Variants in CEMIP observed in about 807,000 individuals in gnomAD.
CEMIP encodes cell migration inducing hyaluronidase 1.
A neutral mutation model predicts 156.9 loss-of-function variants in CEMIP; 105 were observed. The ratio of observed to expected loss-of-function variants is 0.67; its 90% confidence interval spans 0.57 to 0.79. The LOEUF is 0.79. CEMIP is among the 30% of genes least tolerant of loss of function. CEMIP has a pLI of 0.00. For missense variants in CEMIP, 1,457 were observed against 1,769.4 expected (o/e 0.82, Z 3.17); for synonymous variants, 676 against 668.4 (o/e 1.01, Z -0.17).
Position 80,929,833 on chromosome 15 carries a change from G to A in CEMIP, c.2612+659G>A, listed in dbSNP as rs115322988. Reference sequence around the variant, plus strand: ...CTGAGGAGTCCTGGTTTCTGCGGCTGGGGGAGTTCAAATGAAGGTCAGACG... The same window carrying A: ...CTGAGGAGTCCTGGTTTCTGCGGCTAGGGGAGTTCAAATGAAGGTCAGACG... On this transcript the variant is annotated intron_variant, in intron 21 of 29. Coordinates refer to ENST00000394685, the MANE Select transcript of CEMIP (RefSeq NM_001293298.2). Among the ~76,000 whole-genome samples the A allele has an allele frequency of 1.9e-3, 293 of 152,338 alleles. 1 individual carries two copies. The highest frequency in any genetic ancestry group is 5.2e-3 in the African/African-American group (215 of 41,556).
intron 14 of CEMIP, chr15:80,909,771 T>C: frequency 2.6e-6 from 1 of 378,046 alleles, no homozygotes; most frequent in South Asian, 2.0e-5. Flanking sequence ...AGAAATACTC[T>C]CATTAACAAA....
At chr15:80,786,470 C>T (rs1895940871) in intron 1 of CEMIP, among the ~76,000 whole-genome samples, 1 of 151,966 alleles carries the variant, frequency 6.6e-6, no homozygotes, top group African/African-American at 2.4e-5. Context: ...AAGATATCTG[C>T]CCACCACTGC....
At chr15:80,796,240 T>C (rs1322238250) in intron 1 of CEMIP, among the ~76,000 whole-genome samples, 1 of 152,182 alleles carries the variant, frequency 6.6e-6, no homozygotes, top group African/African-American at 2.4e-5. Context: ...TCCCGAGCAG[T>C]TGGGACTACA....
chr15:80,786,495 G>A (rs540874374), intron 1 of CEMIP, among the ~76,000 whole-genome samples: 1 of 151,580 alleles, frequency 6.6e-6, no homozygotes, highest in East Asian at 1.9e-4. Flanking sequence ...CAAAGTGCTG[G>A]GATTACAGGC....
chr15:80,803,803 A>G (rs1025602098), intron 1 of CEMIP, among the ~76,000 whole-genome samples: 3 of 152,158 alleles, frequency 2.0e-5, no homozygotes, highest in Admixed American at 2.0e-4. Flanking sequence ...CCTCTGACTC[A>G]TTTTCTGTTG....
At chr15:80,910,628 C>G (rs999799758) in intron 14 of CEMIP, among the ~76,000 whole-genome samples, 5 of 152,190 alleles carry the variant, frequency 3.3e-5, no homozygotes, top group Admixed American at 2.0e-4. Flanking sequence ...GGCTTTGGAG[C>G]CCAGTCTAGG....
At chr15:80,848,706 C>T (rs972887564) in intron 1 of CEMIP, among the ~76,000 whole-genome samples, 3 of 152,156 alleles carry the variant, frequency 2.0e-5, no homozygotes, top group African/African-American at 7.2e-5. Flanking sequence ...AGAAGGGGTG[C>T]AGGAAGCTGC....
At position 80,873,701 on chromosome 15, in the gene CEMIP, G is replaced by A; in HGVS notation, c.-17+5G>A. On this transcript the variant is annotated splice_donor_5th_base_variant and intron_variant, in intron 2 of 29. Transcript: ENST00000394685. ...TGGCAGCTGGGGAAGCCACTGGTGAGGACGCTGCACTGGAGTGTGGGCTGG... is the reference window on the plus strand; with the variant it reads ...TGGCAGCTGGGGAAGCCACTGGTGAAGACGCTGCACTGGAGTGTGGGCTGG... The A allele has an allele frequency of 4.8e-6, 3 of 620,652 alleles. No individual in the cohort carries two copies. The South Asian group carries it at 5.4e-5, about 11-fold the overall frequency. The allele number at this position is 620,652 out of a possible 1,614,324, so 38.4% of individuals were successfully genotyped here.
intron 1 of CEMIP, among the ~76,000 whole-genome samples, chr15:80,844,495 G>T (rs1897506572): frequency 6.6e-6 from 1 of 152,160 alleles, no homozygotes; most frequent in Admixed American, 6.5e-5. Context: ...GGGTTTTTGG[G>T]TGGCCATTGC....
At chr15:80,912,677 C>T (rs951516902) in intron 14 of CEMIP, among the ~76,000 whole-genome samples, 1 of 152,176 alleles carries the variant, frequency 6.6e-6, no homozygotes, top group Non-Finnish European at 1.5e-5. Context: ...GAGCCATCCC[C>T]CGCATGGGAA....
chr15:80,888,045 G>C (rs760076046), intron 8 of CEMIP, among the ~76,000 whole-genome samples: 1 of 152,212 alleles, frequency 6.6e-6, no homozygotes, highest in Non-Finnish European at 1.5e-5. Flanking sequence ...AACTGAGATA[G>C]AGCCAGCAGG....
chr15:80,802,524 C>T (rs1057196930), intron 1 of CEMIP, among the ~76,000 whole-genome samples: 1 of 152,196 alleles, frequency 6.6e-6, no homozygotes, highest in Non-Finnish European at 1.5e-5. Flanking sequence ...ATGACTCCAG[C>T]GCCAGCTCTA....
intron 1 of CEMIP, among the ~76,000 whole-genome samples, chr15:80,836,089 T>C (rs1231579551): frequency 6.8e-6 from 1 of 147,572 alleles, no homozygotes; most frequent in East Asian, 2.0e-4. Flanking sequence ...TTTTTTTTTT[T>C]TGTATTCAGT....
intron 1 of CEMIP, among the ~76,000 whole-genome samples, chr15:80,822,298 G>T (rs55653454): frequency 0.23 from 34,928 of 152,020 alleles, 4,151 homozygotes; most frequent in South Asian, 0.35. Flanking sequence ...GTTGCCTGCC[G>T]CTGGGGCTAC....
intron 25 of CEMIP, 35 bp from the exon 26 acceptor site, chr15:80,941,814 C>T (rs369272118): frequency 1.3e-6 from 2 of 1,598,606 alleles, no homozygotes; most frequent in Admixed American, 3.3e-5. Flanking sequence ...GTTTGAGTGT[C>T]CAAGCAAATG....
chr15:80,864,018 C>A (rs983264009), intron 1 of CEMIP, among the ~76,000 whole-genome samples: 5 of 152,114 alleles, frequency 3.3e-5, no homozygotes, highest in Admixed American at 6.6e-5. Flanking sequence ...ATGTGAGAGG[C>A]AAGCAAAGCC....
intron 21 of CEMIP, among the ~76,000 whole-genome samples, chr15:80,930,088 TTGTC>T (rs1900849828): frequency 6.6e-6 from 1 of 152,382 alleles, no homozygotes; most frequent in Non-Finnish European, 1.5e-5. Flanking sequence ...TCAGCCCTTC[TTGTC>T]TGTCTGAGCT....
intron 1 of CEMIP, among the ~76,000 whole-genome samples, chr15:80,786,906 G>A (rs1895954525): frequency 6.6e-6 from 1 of 152,130 alleles, no homozygotes; most frequent in Non-Finnish European, 1.5e-5. Flanking sequence ...TTAAAATTTG[G>A]CAAGGTCTAT....
At chr15:80,893,102 G>T (rs530680272) in intron 10 of CEMIP, among the ~76,000 whole-genome samples, 15 of 152,190 alleles carry the variant, frequency 9.9e-5, no homozygotes, top group African/African-American at 3.4e-4. Flanking sequence ...CAGAAGAATC[G>T]CTTGAACAGG....
Sources: gnomAD v4.1 joint callset for allele counts (sites outside exome capture counted in the v4.1 genomes callset) on GRCh38, gnomAD v4.1.1 for gene constraint, MANE v1.5 for transcripts, NCBI Gene and HGNC (gene_info 2026-07-23, HGNC 2026-07-21) for gene names.